HTR1E: variants seen among roughly 807,000 people sequenced by gnomAD.
The protein encoded by HTR1E is 5-HT-1E.
A neutral mutation model predicts 3.4 loss-of-function variants in HTR1E; 3 were observed. That is an observed-to-expected ratio of 0.89 (90% CI 0.41 to 2.31). The LOEUF is 2.31. HTR1E is among the 30% of genes most tolerant of loss of function. The pLI is 0.05. For missense variants in HTR1E, 392 were observed against 467.0 expected (o/e 0.84, Z 1.48); for synonymous variants, 170 against 182.8 (o/e 0.93, Z 0.56).
At chr6:86,957,465 T>C (rs899070150) in intron 1 of HTR1E, among the ~76,000 whole-genome samples, 2 of 152,072 alleles carry the variant, frequency 1.3e-5, no homozygotes, top group Non-Finnish European at 1.5e-5. Context: ...CAAGGCCATC[T>C]TTTTTTTATG....
Position 86,973,741 on chromosome 6 carries a change from A to G in HTR1E, c.-186+35918A>G, listed in dbSNP as rs1037043645. Among the ~76,000 whole-genome samples the G allele has an allele frequency of 3.9e-5, 6 of 152,352 alleles. No individual in the cohort carries two copies. In the East Asian group the frequency reaches 7.7e-4, roughly 20 times the overall value. On this transcript the variant is annotated intron_variant, in intron 1 of 1. Coordinates refer to ENST00000305344, the MANE Select transcript of HTR1E (RefSeq NM_000865.3). ...AGCCAACAGACCACTGCAAACATGC[A>G]ATAATGTTACCTGGAAGAGAGCTTA... is the stretch of plus-strand genomic sequence containing the variant.
chr6:86,938,112 AAAAG>A (rs1191810980), intron 1 of HTR1E, among the ~76,000 whole-genome samples: 1 of 152,216 alleles, frequency 6.6e-6, no homozygotes, highest in African/African-American at 2.4e-5. Flanking sequence ...GCTTCCTTGC[AAAAG>A]GATTAGAGGC....
chr6:86,987,978 A>G (rs976012959), intron 1 of HTR1E, among the ~76,000 whole-genome samples: 1 of 152,214 alleles, frequency 6.6e-6, no homozygotes, highest in African/African-American at 2.4e-5. Context: ...GTTAAACCAT[A>G]GCACTATATA....
intron 1 of HTR1E, among the ~76,000 whole-genome samples, chr6:86,998,984 G>C (rs1168737977): frequency 6.6e-6 from 1 of 152,134 alleles, no homozygotes; most frequent in African/African-American, 2.4e-5. Context: ...TTTTCAAACA[G>C]AGTCTCGCCC....
At chr6:87,013,306 G>A (rs1477372221) in intron 1 of HTR1E, among the ~76,000 whole-genome samples, 4 of 152,264 alleles carry the variant, frequency 2.6e-5, no homozygotes, top group East Asian at 3.9e-4. Flanking sequence ...GAGGAGCAGC[G>A]TACACTAACC....
At chr6:86,989,049 A>T (rs1241246950) in intron 1 of HTR1E, among the ~76,000 whole-genome samples, 1 of 152,200 alleles carries the variant, frequency 6.6e-6, no homozygotes, top group Non-Finnish European at 1.5e-5. Flanking sequence ...ACGTTTTTAA[A>T]TATAATTTCC....
At chr6:87,011,952 G>A (rs797007933) in intron 1 of HTR1E, among the ~76,000 whole-genome samples, 16 of 152,292 alleles carry the variant, frequency 1.1e-4, no homozygotes, top group African/African-American at 3.8e-4. Context: ...GATCCTGGGG[G>A]TCTAAGACTT....
chr6:86,952,221 A>G (rs1294337730), intron 1 of HTR1E, among the ~76,000 whole-genome samples: 1 of 152,150 alleles, frequency 6.6e-6, no homozygotes, highest in Admixed American at 6.6e-5. Context: ...TGGGTGTCCC[A>G]TAGCTCCTTA....
At chr6:86,958,701 T>C (rs945475794) in intron 1 of HTR1E, among the ~76,000 whole-genome samples, 6 of 152,206 alleles carry the variant, frequency 3.9e-5, no homozygotes, top group Non-Finnish European at 8.8e-5. Flanking sequence ...GAGCAGGGGC[T>C]GCAAGCAAAA....
At chr6:87,010,404 G>A (rs1368682419) in intron 1 of HTR1E, among the ~76,000 whole-genome samples, 18 of 142,206 alleles carry the variant, frequency 1.3e-4, no homozygotes, top group East Asian at 4.4e-4. Context: ...GTGGCTGGCC[G>A]GGCTGAGGGG....
intron 1 of HTR1E, among the ~76,000 whole-genome samples, chr6:86,991,136 C>T (rs1188538546): frequency 6.6e-6 from 1 of 152,050 alleles, no homozygotes; most frequent in Non-Finnish European, 1.5e-5. Context: ...CTACAGAATA[C>T]CTGGCCAGTA....
intron 1 of HTR1E, among the ~76,000 whole-genome samples, chr6:86,986,522 T>C (rs1189634435): frequency 2.6e-5 from 4 of 152,170 alleles, no homozygotes; most frequent in South Asian, 2.1e-4. Flanking sequence ...TGTAGGCTAG[T>C]TGCTAGTGAG....
At chr6:86,998,530 C>T (rs572260181) in intron 1 of HTR1E, among the ~76,000 whole-genome samples, 1 of 152,086 alleles carries the variant, frequency 6.6e-6, no homozygotes, top group African/African-American at 2.4e-5. Flanking sequence ...TTACTAACAA[C>T]GAAAATACAA....
chr6:86,990,461 A>G (rs1767857229), intron 1 of HTR1E, among the ~76,000 whole-genome samples: 1 of 152,194 alleles, frequency 6.6e-6, no homozygotes, highest in African/African-American at 2.4e-5. Flanking sequence ...CAGTCTATAC[A>G]GGACAAACGA....
intron 1 of HTR1E, among the ~76,000 whole-genome samples, chr6:87,001,518 T>C (rs576696137): frequency 1.9e-4 from 29 of 152,198 alleles, no homozygotes; most frequent in African/African-American, 6.7e-4. Context: ...AGGAAGAAGA[T>C]TTTAATTGGG....
Position 87,015,442 on chromosome 6 carries a change from C to T in HTR1E, c.108C>T (p.Thr36=). Residue 36 remains threonine (T), a synonymous_variant, in exon 2 of 2, where the codon ACC becomes ACT. Coordinates refer to ENST00000305344, the MANE Select transcript of HTR1E (RefSeq NM_000865.3). Reference sequence around the variant, plus strand: ...CTCTGGTGGTCATCACCACCCTCACCACGTTGCTGAACTTGGCTGTGATCA... The same window carrying T: ...CTCTGGTGGTCATCACCACCCTCACTACGTTGCTGAACTTGGCTGTGATCA... The part of the protein sequence containing the change: ...CMTLVVITTL[T]TLLNLAVIMA... 3.7e-6 allele frequency: 6 copies of T among 1,614,086 alleles called. No homozygotes were observed. Among genetic ancestry groups the T allele is most frequent in the Non-Finnish European group, 5.1e-6 (6 of 1,179,992 alleles).
chr6:86,972,778 G>A (rs1216373907), intron 1 of HTR1E, among the ~76,000 whole-genome samples: 1 of 152,154 alleles, frequency 6.6e-6, no homozygotes, highest in African/African-American at 2.4e-5. Flanking sequence ...AACTCTGGAA[G>A]AAAATCTGCC....
chr6:87,014,987 TA>T (rs879868263), intron 1 of HTR1E, among the ~76,000 whole-genome samples, 162 bp from the exon 2 acceptor site: 1 of 151,840 alleles, frequency 6.6e-6, no homozygotes, highest in South Asian at 2.1e-4. Context: ...TTCCCTGAAG[TA>T]AAAAAAGTAT....
intron 1 of HTR1E, among the ~76,000 whole-genome samples, chr6:86,996,956 T>A (rs73753639): frequency 0.13 from 19,925 of 151,786 alleles, 2,095 homozygotes; most frequent in African/African-American, 0.28. Context: ...ATATAGACAT[T>A]CAAGTCCTTA....
Sources: gnomAD v4.1 joint callset for allele counts (sites outside exome capture counted in the v4.1 genomes callset) on GRCh38, gnomAD v4.1.1 for gene constraint, MANE v1.5 for transcripts, NCBI Gene and HGNC (gene_info 2026-07-23, HGNC 2026-07-21) for gene names.